Variants in MLIP observed in about 807,000 individuals in gnomAD.
MLIP encodes muscular LMNA interacting protein.
A neutral mutation model predicts 84.8 loss-of-function variants in MLIP; 79 were observed. The observed-to-expected ratio is 0.93, with a 90% confidence interval of 0.78 to 1.12. The LOEUF (loss-of-function observed/expected upper bound fraction) is 1.12, where lower values mean the gene tolerates loss of function less well. Among genes scored for constraint, MLIP ranks in the 50% most tolerant of loss-of-function variants. The pLI, the probability that MLIP is intolerant of heterozygous loss-of-function variation, is 0.00. For missense variants in MLIP, 1,257 were observed against 1,160.6 expected, an observed-to-expected ratio of 1.08 and a Z score of -1.21; for synonymous variants, 504 against 463.0, an observed-to-expected ratio of 1.09 and a Z score of -1.14.
Position 54,213,734 on chromosome 6 carries a change from A to AAAAAAAC in MLIP, c.2718+11503_2718+11504insAAAACAA, listed in dbSNP as rs368508685. On this transcript the variant is annotated intron_variant, in intron 11 of 13. Coordinates refer to ENST00000502396, the MANE Select transcript of MLIP (RefSeq NM_001281747.2). ...AAAAAAAAAAAAAAAAAAAAAAAAA[A>AAAAAAAC]AACAACAAACAGCATATCTTGTATG... is the stretch of plus-strand genomic sequence containing the variant. Among the ~76,000 whole-genome samples the AAAAAAAC allele has an allele frequency of 4.9e-5, 4 of 82,372 alleles. 1 individual carries two copies. Among genetic ancestry groups the AAAAAAAC allele is most frequent in the African/African-American group, 1.8e-4 (4 of 22,266 alleles). The allele number at this position is 82,372 out of a possible 152,430, so 54.0% of individuals were successfully genotyped here.
At chr6:54,228,538 C>A (rs1381256656) in intron 11 of MLIP, among the ~76,000 whole-genome samples, 4 of 152,214 alleles carry the variant, frequency 2.6e-5, no homozygotes, top group Non-Finnish European at 5.9e-5. Flanking sequence ...CAGAAACATT[C>A]AGGTTTGACC....
intron 13 of MLIP, among the ~76,000 whole-genome samples, chr6:54,260,272 C>A (rs1330389767): frequency 1.5e-5 from 2 of 137,404 alleles, no homozygotes; most frequent in Non-Finnish European, 3.0e-5. Context: ...TTAAAAGGAA[C>A]TAACTCAAAA....
chr6:54,182,220 G>T (rs1196398047), intron 9 of MLIP, among the ~76,000 whole-genome samples: 1 of 152,062 alleles, frequency 6.6e-6, no homozygotes, highest in Non-Finnish European at 1.5e-5. Context: ...CTCTGTATAG[G>T]CCTACTCCAA....
intron 10 of MLIP, among the ~76,000 whole-genome samples, chr6:54,197,885 T>C (rs1173604436): frequency 6.6e-6 from 1 of 152,118 alleles, no homozygotes; most frequent in Non-Finnish European, 1.5e-5. Context: ...ATGTAACAAA[T>C]TAAATTGTTC....
intron 12 of MLIP, among the ~76,000 whole-genome samples, chr6:54,243,765 C>T (rs966704490): frequency 2.0e-5 from 3 of 151,502 alleles, no homozygotes; most frequent in African/African-American, 4.9e-5. Flanking sequence ...CCGGGAATCA[C>T]GCACAGGCTT....
chr6:54,056,323 G>A (rs1765656895), intron 1 of MLIP, among the ~76,000 whole-genome samples: 1 of 152,172 alleles, frequency 6.6e-6, no homozygotes, highest in Admixed American at 6.5e-5. Context: ...AGGACACGCT[G>A]TACAGAGGCT....
chr6:54,205,902 TCAG>T (rs1779005144), intron 11 of MLIP, among the ~76,000 whole-genome samples: 1 of 152,218 alleles, frequency 6.6e-6, no homozygotes, highest in African/African-American at 2.4e-5. Flanking sequence ...GTGGTGCTTT[TCAG>T]TTATTACAAA....
At chr6:54,098,155 T>TC (rs1561927837) in intron 1 of MLIP, among the ~76,000 whole-genome samples, 1 of 147,600 alleles carries the variant, frequency 6.8e-6, no homozygotes, top group Non-Finnish European at 1.5e-5. Context: ...TTTCTTTTTT[T>TC]TTTTTTTTTT....
intron 4 of MLIP, among the ~76,000 whole-genome samples, chr6:54,143,170 C>A (rs149897057): frequency 0.012 from 1,788 of 151,312 alleles, 35 homozygotes; most frequent in South Asian, 0.077. Context: ...CAATGATTGA[C>A]AAAAGCTTGT....
chr6:54,160,336 C>T, intron 5 of MLIP, 31 bp from the exon 6 acceptor site: 1 of 1,580,190 alleles, frequency 6.3e-7, no homozygotes, highest in Non-Finnish European at 8.7e-7. Context: ...GACTAGAAGC[C>T]TCATATAAGA....
At chr6:54,033,599 T>G (rs1391818130) in intron 1 of MLIP, among the ~76,000 whole-genome samples, 2 of 152,018 alleles carry the variant, frequency 1.3e-5, no homozygotes, top group African/African-American at 4.8e-5. Context: ...CCAGGACACA[T>G]AGCAAGCCAG....
chr6:54,116,502 T>C (rs1002533340), intron 1 of MLIP, among the ~76,000 whole-genome samples: 3 of 152,156 alleles, frequency 2.0e-5, no homozygotes, highest in African/African-American at 7.2e-5. Context: ...CTTCCAGAAA[T>C]TGATAAACTC....
intron 1 of MLIP, among the ~76,000 whole-genome samples, chr6:54,085,955 T>G (rs1767458183): frequency 1.3e-5 from 2 of 152,192 alleles, no homozygotes; most frequent in African/African-American, 4.8e-5. Context: ...GAAGAAGAAA[T>G]TTCTTAGGCT....
At chr6:54,173,807 A>G (rs1204377298) in intron 9 of MLIP, among the ~76,000 whole-genome samples, 1 of 151,894 alleles carries the variant, frequency 6.6e-6, no homozygotes, top group Non-Finnish European at 1.5e-5. Context: ...TGATTGTGCT[A>G]TCAAATACCA....
chr6:54,262,393 G>A (rs1783443004), intron 13 of MLIP, among the ~76,000 whole-genome samples: 1 of 151,978 alleles, frequency 6.6e-6, no homozygotes, highest in Non-Finnish European at 1.5e-5. Context: ...ATATTCTCAA[G>A]ATCAACAATA....
At position 54,246,715 on chromosome 6, in the gene MLIP, A is replaced by G. The variant is rs180781574; in HGVS notation, c.2923-10593A>G. ...GTGTAGTTTTAATTTACTGGTTTAA[A>G]ATGTATTTAACCTTGTTTTGCTGTT... On this transcript the variant is annotated intron_variant, in intron 12 of 13. Coordinates refer to ENST00000502396, the MANE Select transcript of MLIP (RefSeq NM_001281747.2). 3.3e-4 allele frequency among the ~76,000 whole-genome samples: 50 copies of G among 152,246 alleles called. 1 individual carries two copies. Among genetic ancestry groups the G allele is most frequent in the African/African-American group, 1.1e-3 (45 of 41,566 alleles).
chr6:54,255,587 A>G (rs896304053), intron 12 of MLIP, among the ~76,000 whole-genome samples: 2 of 152,184 alleles, frequency 1.3e-5, no homozygotes, highest in African/African-American at 2.4e-5. Flanking sequence ...ATTCATTAGG[A>G]TCAGTCATTT....
intron 1 of MLIP, among the ~76,000 whole-genome samples, chr6:54,056,315 G>C (rs1372829054): frequency 6.6e-6 from 1 of 152,168 alleles, no homozygotes; most frequent in Non-Finnish European, 1.5e-5. Flanking sequence ...GCTGAAATAG[G>C]ACACGCTGTA....
chr6:54,077,372 T>C (rs750948516), intron 1 of MLIP, among the ~76,000 whole-genome samples: 14 of 151,926 alleles, frequency 9.2e-5, no homozygotes, highest in Non-Finnish European at 2.1e-4. Flanking sequence ...CAATAAAACT[T>C]CATTAAAAAA....
Sources: allele counts gnomAD v4.1 joint callset (sites outside exome capture counted in the v4.1 genomes callset), GRCh38; gene constraint gnomAD v4.1.1; transcripts MANE v1.5; gene names NCBI Gene and HGNC (gene_info 2026-07-23, HGNC 2026-07-21).